The following PRMT3 variants were observed in gnomAD, a reference collection of about 807,000 sequenced individuals.
The protein encoded by PRMT3 is protein arginine N-methyltransferase 3.
In PRMT3, 62 loss-of-function variants were observed where a neutral mutation model predicts 71.9. The ratio of observed to expected loss-of-function variants is 0.86; its 90% CI spans 0.70 to 1.07. The LOEUF (loss-of-function observed/expected upper bound fraction) is 1.07. PRMT3 is among the 50% of genes least tolerant of loss of function. PRMT3 has a pLI of 0.00. For synonymous variants in PRMT3, 213 were observed against 220.4 expected (o/e 0.97, Z 0.30); for missense variants, 663 against 643.0 (o/e 1.03, Z -0.34).
At chr11:20,410,015 C>A (rs973807876) in intron 9 of PRMT3, among the ~76,000 whole-genome samples, 1 of 151,924 alleles carries the variant, frequency 6.6e-6, no homozygotes, top group African/African-American at 2.4e-5. Context: ...TTGTTTTTTA[C>A]GATAAAATGG....
In PRMT3 at chr11:20,426,850, C is replaced by G. The variant is rs1849557765; in HGVS notation, c.978C>G (p.Ile326Met). ...VHLPVEKVDV[I>M]ISEWMGYFLL... ...TTCCTGTAGAAAAAGTAGATGTTAT[C>G]ATATCTGAGTGGATGGTGAGTGTTT... The change falls in exon 10 of 16, where the codon ATC becomes ATG. Residue 326 changes from isoleucine to methionine, a missense_variant. Coordinates refer to ENST00000331079, the MANE Select transcript of PRMT3 (RefSeq NM_005788.4). The G allele has an allele frequency of 4.6e-6, 7 of 1,530,816 alleles. No individual in the cohort carries two copies. Among genetic ancestry groups the G allele is most frequent in the Non-Finnish European group, 6.1e-6 (7 of 1,151,104 alleles). 94.8% of individuals were successfully genotyped at this position (1,530,816 alleles called of 1,614,324 possible).
intron 9 of PRMT3, among the ~76,000 whole-genome samples, chr11:20,416,267 A>G (rs1355000319): frequency 6.6e-6 from 1 of 152,112 alleles, no homozygotes; most frequent in Non-Finnish European, 1.5e-5. Context: ...TGGGGGGAAG[A>G]TATGTTTGTC....
At chr11:20,453,318 T>TAAAA (rs35130616) in intron 11 of PRMT3, among the ~76,000 whole-genome samples, 1,024 of 96,774 alleles carry the variant, frequency 0.011, 7 homozygotes, top group Non-Finnish European at 0.017. Flanking sequence ...CCGTCTTTAC[T>TAAAA]AAAAAAAAAA....
chr11:20,427,690 C>T (rs1253543038), intron 10 of PRMT3, among the ~76,000 whole-genome samples: 1 of 152,000 alleles, frequency 6.6e-6, no homozygotes. Flanking sequence ...CACGCCACTG[C>T]ACCCCAACCT....
At chr11:20,402,082 AT>A (rs1384444689) in intron 7 of PRMT3, among the ~76,000 whole-genome samples, 1 of 151,880 alleles carries the variant, frequency 6.6e-6, no homozygotes, top group Non-Finnish European at 1.5e-5. Flanking sequence ...CAATGTTTAC[AT>A]TTATTTACTT....
intron 7 of PRMT3, 94 bp downstream of exon 7, chr11:20,397,815 T>A (rs1848861453): frequency 5.2e-6 from 7 of 1,333,502 alleles, no homozygotes; most frequent in Non-Finnish European, 6.0e-6. Flanking sequence ...GAGACCTCTT[T>A]TTTTTGGGTG....
intron 7 of PRMT3, among the ~76,000 whole-genome samples, chr11:20,398,404 G>A (rs1178375284): frequency 6.6e-6 from 1 of 152,030 alleles, no homozygotes; most frequent in East Asian, 1.9e-4. Flanking sequence ...CTAGTGTTTT[G>A]GTCAGTCAGA....
intron 11 of PRMT3, among the ~76,000 whole-genome samples, chr11:20,453,692 C>T (rs1374214241): frequency 6.6e-6 from 1 of 152,148 alleles, no homozygotes; most frequent in East Asian, 1.9e-4. Context: ...TTTTACCCTG[C>T]AGCAATTGGC....
intron 15 of PRMT3, among the ~76,000 whole-genome samples, chr11:20,502,630 C>T (rs1177483384): frequency 6.6e-6 from 1 of 152,088 alleles, no homozygotes; most frequent in African/African-American, 2.4e-5. Context: ...TAGGTACATC[C>T]TTTGATCCTG....
rs1474912861 is a variant in PRMT3, at chr11:20,392,047, A to G, written c.248-164A>G. On this transcript the variant is annotated intron_variant, in intron 3 of 15. Coordinates refer to ENST00000331079, the MANE Select transcript of PRMT3 (RefSeq NM_005788.4). ...GCTGCTTCTCAAGATATTCAGAAGT[A>G]TCATTGTATTACTACTTCTAATTCT... is the stretch of plus-strand genomic sequence containing the variant. Among the ~76,000 whole-genome samples the G allele has an allele frequency of 2.6e-5, 4 of 152,232 alleles. No individual in the cohort carries two copies. In the South Asian group the frequency reaches 6.2e-4, roughly 24 times the overall value.
chr11:20,450,426 A>C (rs1850122813), intron 10 of PRMT3, among the ~76,000 whole-genome samples: 1 of 152,176 alleles, frequency 6.6e-6, no homozygotes, highest in Non-Finnish European at 1.5e-5. Context: ...AGATTGGTAA[A>C]GATTTCTTAG....
intron 7 of PRMT3, among the ~76,000 whole-genome samples, chr11:20,400,207 T>G (rs1182070710): frequency 6.6e-6 from 1 of 152,226 alleles, no homozygotes; most frequent in African/African-American, 2.4e-5. Context: ...ACAGGACATA[T>G]TTTTATGCTT....
intron 9 of PRMT3, among the ~76,000 whole-genome samples, chr11:20,409,963 G>A (rs1378300643): frequency 1.3e-5 from 2 of 151,978 alleles, no homozygotes; most frequent in Non-Finnish European, 2.9e-5. Context: ...TCTTATGAAA[G>A]CTATTTCTAC....
At chr11:20,395,519 ATT>A (rs1391298194) in intron 5 of PRMT3, among the ~76,000 whole-genome samples, 12 of 142,234 alleles carry the variant, frequency 8.4e-5, no homozygotes, top group Admixed American at 7.1e-5. Context: ...AACTTTTTGT[ATT>A]TTTTTTTTTT....
At chr11:20,504,741 A>AGAGAGC (rs879340291) in intron 15 of PRMT3, among the ~76,000 whole-genome samples, 1 of 137,734 alleles carries the variant, frequency 7.3e-6, no homozygotes, top group South Asian at 2.4e-4. Context: ...AGAGAGAGAG[A>AGAGAGC]GAGAGCGAGA....
At position 20,494,439 on chromosome 11, in the gene PRMT3, T is replaced by G. The variant is rs144127358; in HGVS notation, c.1486+185T>G. 9.6e-3 allele frequency among the ~76,000 whole-genome samples: 1,457 copies of G among 152,304 alleles called. 31 individuals are homozygous for G. Among genetic ancestry groups the G allele is most frequent in the African/African-American group, 0.034 (1,405 of 41,574 alleles). On this transcript the variant is annotated intron_variant, in intron 15 of 15. Transcript: ENST00000331079. ...ACCTCCATCCCCTGGGTTCAAGCAG[T>G]TCTCCTGCCTCAGCCTCCCAAGTAC...
At chr11:20,487,828 CT>C (rs1041771546) in intron 13 of PRMT3, among the ~76,000 whole-genome samples, 17 of 152,072 alleles carry the variant, frequency 1.1e-4, no homozygotes, top group African/African-American at 3.9e-4. Flanking sequence ...TTTTTGCCCC[CT>C]AAAACCACTT....
chr11:20,404,228 T>TGTTTTGTTTTGTTTTG (rs1438845211), intron 8 of PRMT3, among the ~76,000 whole-genome samples: 3,722 of 101,804 alleles, frequency 0.037, 226 homozygotes, highest in East Asian at 0.16. Flanking sequence ...TTTTTTTTTT[T>TGTTTTGTTTTGTTTTG]TTTTTTTTTT....
At chr11:20,473,579 A>G (rs1465589479) in intron 13 of PRMT3, among the ~76,000 whole-genome samples, 1 of 152,148 alleles carries the variant, frequency 6.6e-6, no homozygotes, top group Non-Finnish European at 1.5e-5. Flanking sequence ...AGAGACTGTT[A>G]TGATTTCAAT....
Sources: allele counts gnomAD v4.1 joint callset (sites outside exome capture counted in the v4.1 genomes callset), GRCh38; gene constraint gnomAD v4.1.1; transcripts MANE v1.5; gene names NCBI Gene and HGNC (gene_info 2026-07-23, HGNC 2026-07-21).